The following ARVCF variants were observed in gnomAD, a reference collection of about 807,000 sequenced individuals.
The protein encoded by ARVCF is splicing regulator ARVCF.
A neutral mutation model predicts 90.9 loss-of-function variants in ARVCF; 66 were observed. The observed-to-expected ratio is 0.73, with a 90% CI of 0.60 to 0.89. The LOEUF (loss-of-function observed/expected upper bound fraction) is 0.89, where lower values mean the gene tolerates loss of function less well. Ranked by LOEUF, ARVCF falls within the 40% of genes least tolerant of loss-of-function variation. The pLI is 0.00. For missense variants in ARVCF, 1,469 were observed against 1,382.3 expected (o/e 1.06, Z -1.00); for synonymous variants, 653 against 603.4 (o/e 1.08, Z -1.21).
Position 19,973,314 on chromosome 22 carries a change from C to A in ARVCF, c.2243G>T (p.Ser748Ile). The A allele has an allele frequency of 6.3e-7, 1 of 1,595,354 alleles. No homozygotes were observed. Among genetic ancestry groups the A allele is most frequent in the Non-Finnish European group, 8.5e-7 (1 of 1,175,576 alleles). Residue 748 changes from serine to isoleucine, a missense_variant, in exon 14 of 20, where the codon AGC (serine) becomes ATC (isoleucine). Physicochemically the swap from Ser to Ile is moderately radical, Grantham distance 142. Coordinates refer to ENST00000263207, the MANE Select transcript of ARVCF (RefSeq NM_001670.3). ...CCGCACAAGCTCAGCCATGGCGTAG[C>A]TCCCTGAGGGGCAGGACTAGGTGTC... ...LDRRNKDLIGSYAMAELVRNV... is the reference protein window; with the variant it reads ...LDRRNKDLIGIYAMAELVRNV...
chr22:19,979,682 C>A, intron 6 of ARVCF, 61 bp downstream of exon 6: 1 of 1,510,196 alleles, frequency 6.6e-7, no homozygotes, highest in East Asian at 2.4e-5. Flanking sequence ...TCGTTCCTCC[C>A]GGGTTGAGCC....
rs5993890 is a variant in ARVCF at position 19,971,306 on chromosome 22, G to A, written c.2811C>T (p.Pro937=). 0.056 allele frequency: 86,530 copies of A among 1,555,452 alleles called. 2,960 individuals are homozygous for A. The highest frequency in any genetic ancestry group is 0.14 in the African/African-American group (10,131 of 73,592). ...GCCTGACCGCGGGCCTGCTGGGCCCGGGGGGAGGGGCCTTCCTGCTGGGGT... is the reference window on the plus strand; with the variant it reads ...GCCTGACCGCGGGCCTGCTGGGCCCAGGGGGAGGGGCCTTCCTGCTGGGGT... ...KLDPSRKAPP[P]GPSRPAVRLV... is the part of the protein sequence containing the mutation. The change falls in exon 19 of 20, where the codon CCC becomes CCT. Residue 937 remains proline, a synonymous_variant. Transcript: ENST00000263207.
intron 2 of ARVCF, among the ~76,000 whole-genome samples, chr22:19,998,954 A>G (rs1457279373): frequency 6.6e-6 from 1 of 152,090 alleles, no homozygotes; most frequent in Non-Finnish European, 1.5e-5. Context: ...TGCAGCCACA[A>G]CTCTGGGACA....
chr22:19,968,517 C>G, downstream of ARVCF: 2 of 1,609,610 alleles, frequency 1.2e-6, no homozygotes, highest in Non-Finnish European at 8.5e-7. Flanking sequence ...ACCTCCCCCA[C>G]CCCCCGGTCT....
intron 3 of ARVCF, among the ~76,000 whole-genome samples, chr22:19,986,341 G>C (rs1428056546): frequency 6.6e-6 from 1 of 152,194 alleles, no homozygotes; most frequent in East Asian, 1.9e-4. Flanking sequence ...GAGGGTCTTG[G>C]CTGGTCTCTC....
At chr22:20,011,944 G>C (rs529094911) in intron 1 of ARVCF, among the ~76,000 whole-genome samples, 7 of 151,982 alleles carry the variant, frequency 4.6e-5, no homozygotes, top group Non-Finnish European at 1.5e-5. Flanking sequence ...GCTGTGAGCC[G>C]TCATCTCACT....
chr22:19,996,142 C>A (rs945517381), intron 2 of ARVCF, among the ~76,000 whole-genome samples: 1 of 152,178 alleles, frequency 6.6e-6, no homozygotes, highest in Non-Finnish European at 1.5e-5. Context: ...GTTCACAGGG[C>A]GGAGTCCACA....
At chr22:19,976,042 T>C (rs1392784301) in intron 10 of ARVCF, among the ~76,000 whole-genome samples, 1 of 151,962 alleles carries the variant, frequency 6.6e-6, no homozygotes, top group Non-Finnish European at 1.5e-5. Context: ...GGTGGCTCCC[T>C]TGCAACTGCC....
chr22:19,999,952 T>C (rs1944386896), intron 2 of ARVCF, among the ~76,000 whole-genome samples: 1 of 152,186 alleles, frequency 6.6e-6, no homozygotes, highest in African/African-American at 2.4e-5. Context: ...CCAGCCATCA[T>C]CTTCCCTGCA....
chr22:19,982,311 C>A (rs574903017), intron 3 of ARVCF, among the ~76,000 whole-genome samples: 22 of 152,336 alleles, frequency 1.4e-4, no homozygotes, highest in Non-Finnish European at 2.6e-4. Context: ...CTAACCCTGC[C>A]CCGGCACCCC....
chr22:19,986,728 G>A (rs958764001), intron 3 of ARVCF: 3 of 266,458 alleles, frequency 1.1e-5, no homozygotes, highest in African/African-American at 4.5e-5. Flanking sequence ...CTCTCCACCC[G>A]TGTCCCCAGG....
intron 2 of ARVCF, among the ~76,000 whole-genome samples, chr22:19,991,478 C>T (rs1005310466): frequency 6.6e-6 from 1 of 152,252 alleles, no homozygotes; most frequent in Non-Finnish European, 1.5e-5. Flanking sequence ...TGAGGACAAG[C>T]CTGGTTGAGG....
At chr22:19,968,317 G>A (rs997330521), downstream of ARVCF, among the ~76,000 whole-genome samples, 5 of 152,240 alleles carry the variant, frequency 3.3e-5, no homozygotes, top group Non-Finnish European at 1.5e-5. Flanking sequence ...ATGAGAGAAA[G>A]GTCCCTGTCC....
At position 19,977,422 on chromosome 22, in the gene ARVCF, C is replaced by T. The variant is rs935430708; in HGVS notation, c.1863G>A (p.Lys621=). 6.5e-7 allele frequency: 1 copy of T among 1,526,746 alleles called. No homozygotes were observed. Among genetic ancestry groups the T allele is most frequent in the Admixed American group, 2.2e-5 (1 of 46,126 alleles). The allele number at this position is 1,526,746 out of a possible 1,614,324, so 94.6% of individuals were successfully genotyped here. ...CCAGTCCGCCCCACCCACCTTTGGCCTTCTTGCCTCCAAAGCAGCTGGCAT... is the reference window on the plus strand; with the variant it reads ...CCAGTCCGCCCCACCCACCTTTGGCTTTCTTGCCTCCAAAGCAGCTGGCAT... ...RDDASCFGGK[K]AKEEWFHQGK... is the part of the protein sequence containing the mutation. Residue 621 remains lysine, a synonymous_variant, in exon 9 of 20, where the codon AAG becomes AAA. Transcript: ENST00000263207.
intron 2 of ARVCF, among the ~76,000 whole-genome samples, chr22:20,008,316 A>G (rs914819940): frequency 1.3e-5 from 2 of 152,198 alleles, no homozygotes; most frequent in African/African-American, 4.8e-5. Flanking sequence ...ACTGCTGGCC[A>G]GCTATGGGAA....
At chr22:19,968,778 G>T, downstream of ARVCF, 2 of 1,576,224 alleles carry the variant, frequency 1.3e-6, no homozygotes, top group South Asian at 1.1e-5. Flanking sequence ...CACCCAGCCT[G>T]GTACTGAAGG....
At position 19,971,963 on chromosome 22, in the gene ARVCF, A is replaced by C. The variant is rs771156379; in HGVS notation, c.2704T>G (p.Ser902Ala). The C allele has an allele frequency of 1.9e-6, 3 of 1,610,626 alleles. No homozygotes were observed. The highest frequency in any genetic ancestry group is 2.5e-6 in the Non-Finnish European group (3 of 1,178,620). The change falls in exon 18 of 20, where the codon TCC (serine) becomes GCC (alanine). Residue 902 changes from serine (S) to alanine (A), a missense_variant. Transcript: ENST00000263207. ...PMDALGPDGY[S>A]TVDRRERRPR... ...CTCCGCTCCCTCCGGTCCACCGTGG[A>C]GTATCCGTCTGTAGATGGGGTAAGG...
intron 5 of ARVCF, 112 bp downstream of exon 5, chr22:19,981,099 A>C (rs2146311388): frequency 7.4e-7 from 1 of 1,342,610 alleles, no homozygotes; most frequent in Non-Finnish European, 9.9e-7. Context: ...ATTCAAACTA[A>C]CATGCATGAC....
chr22:20,014,651 AT>A lies in ARVCF; in HGVS notation c.-73+1937del, dbSNP rs1406631176. Among the ~76,000 whole-genome samples, 7 of 152,236 alleles carry A rather than the reference AT, an allele frequency of 4.6e-5. No individual in the cohort carries two copies. The East Asian group carries it at 1.4e-3, about 29-fold the overall frequency. On this transcript the variant is annotated intron_variant, in intron 1 of 19. Coordinates refer to ENST00000263207, the MANE Select transcript of ARVCF (RefSeq NM_001670.3). ...CTCCATTCCTGGCCCTGTCTACAGA[AT>A]GGGCCCTGACTCCCTATCCCAGCTC...
Sources: allele counts gnomAD v4.1 joint callset (sites outside exome capture counted in the v4.1 genomes callset), GRCh38; gene constraint gnomAD v4.1.1; transcripts MANE v1.5; gene names NCBI Gene and HGNC (gene_info 2026-07-23, HGNC 2026-07-21).